ANO4: variants seen among roughly 807,000 people sequenced by gnomAD.
ANO4 encodes the protein anoctamin 4.
A neutral mutation model predicts 141.9 loss-of-function variants in ANO4; 69 were observed. The ratio of observed to expected loss-of-function variants is 0.49; its 90% confidence interval spans 0.40 to 0.59. The LOEUF (loss-of-function observed/expected upper bound fraction) is 0.59, where lower values mean the gene tolerates loss of function less well. ANO4 is among the 20% of genes least tolerant of loss of function. The pLI is 0.00. For synonymous variants in ANO4, 350 were observed against 394.3 expected (o/e 0.89, Z 1.33); for missense variants, 894 against 1,162.2 (o/e 0.77, Z 3.36).
At chr12:100,912,287 AGG>A (rs900904149) in intron 2 of ANO4, among the ~76,000 whole-genome samples, 7 of 149,874 alleles carry the variant, frequency 4.7e-5, no homozygotes, top group African/African-American at 1.7e-4. Flanking sequence ...CCCAGCTACT[AGG>A]GAGGCTGAGG....
At chr12:100,967,942 G>A (rs1445747537) in intron 5 of ANO4, among the ~76,000 whole-genome samples, 1 of 152,270 alleles carries the variant, frequency 6.6e-6, no homozygotes, top group African/African-American at 2.4e-5. Context: ...GCTCTGTCTG[G>A]GGTAAACATT....
At chr12:101,079,973 G>A (rs183758417) in intron 15 of ANO4, among the ~76,000 whole-genome samples, 52 of 152,228 alleles carry the variant, frequency 3.4e-4, no homozygotes, top group African/African-American at 1.2e-3. Flanking sequence ...GTCCCCTCTT[G>A]GACCCTGCTT....
At chr12:100,864,386 T>TA (rs1215354576) in intron 1 of ANO4, among the ~76,000 whole-genome samples, 2 of 152,082 alleles carry the variant, frequency 1.3e-5, no homozygotes, top group Non-Finnish European at 2.9e-5. Flanking sequence ...AGGAGATAGA[T>TA]ATGGGATATT....
intron 2 of ANO4, among the ~76,000 whole-genome samples, chr12:100,919,782 A>G (rs1391487564): frequency 1.6e-5 from 2 of 128,574 alleles, no homozygotes; most frequent in Non-Finnish European, 3.5e-5. Context: ...CTATCTATCT[A>G]ATCTATCTGT....
At chr12:100,947,783 A>G (rs2042785407) in intron 5 of ANO4, among the ~76,000 whole-genome samples, 1 of 152,228 alleles carries the variant, frequency 6.6e-6, no homozygotes, top group South Asian at 2.1e-4. Flanking sequence ...TGCCCCAGAC[A>G]ACATAAGTAG....
intron 26 of ANO4, among the ~76,000 whole-genome samples, chr12:101,124,957 C>CT (rs1259804833): frequency 1.3e-5 from 2 of 152,134 alleles, no homozygotes; most frequent in Non-Finnish European, 2.9e-5. Context: ...TATTTGGACT[C>CT]TTTTTTGGTT....
intron 1 of ANO4, among the ~76,000 whole-genome samples, chr12:100,874,421 G>T (rs557006482): frequency 6.6e-6 from 1 of 152,260 alleles, no homozygotes; most frequent in Non-Finnish European, 1.5e-5. Context: ...CAGGGGCAGA[G>T]CTGCCTAAGG....
chr12:101,038,252 T>C (rs1156613110), intron 10 of ANO4, among the ~76,000 whole-genome samples: 2 of 152,228 alleles, frequency 1.3e-5, no homozygotes, highest in African/African-American at 4.8e-5. Flanking sequence ...AAAGACATAC[T>C]GTTCCCCAAA....
intron 14 of ANO4, among the ~76,000 whole-genome samples, chr12:101,054,767 G>A (rs541453564): frequency 1.3e-5 from 2 of 151,930 alleles, no homozygotes; most frequent in South Asian, 4.2e-4. Context: ...CCCAAAGTGT[G>A]GGAGCCACCG....
intron 1 of ANO4, among the ~76,000 whole-genome samples, chr12:100,887,994 C>T (rs1186070876): frequency 6.6e-6 from 1 of 151,986 alleles, no homozygotes; most frequent in Non-Finnish European, 1.5e-5. Context: ...TAAGTATTTC[C>T]CTGAGTGAGA....
intron 7 of ANO4, among the ~76,000 whole-genome samples, chr12:100,978,884 T>C (rs1031837671): frequency 5.6e-4 from 85 of 152,130 alleles, no homozygotes; most frequent in African/African-American, 1.9e-3. Context: ...ACAGTAGATT[T>C]CTTAGGTGTT....
intron 2 of ANO4, among the ~76,000 whole-genome samples, chr12:100,734,241 T>C (rs1167914092): frequency 1.3e-5 from 2 of 152,232 alleles, no homozygotes; most frequent in Non-Finnish European, 2.9e-5. Context: ...AAATGCATGG[T>C]AAAAGTCTAC....
chr12:100,947,767 G>GT (rs140041099), intron 5 of ANO4, among the ~76,000 whole-genome samples: 1,779 of 152,186 alleles, frequency 0.012, 29 homozygotes, highest in African/African-American at 0.04. Flanking sequence ...GAGACCATTG[G>GT]TAACTTGCCC....
intron 26 of ANO4, 94 bp from the exon 27 acceptor site, chr12:101,126,785 A>ACCCCAGAGGGTC: frequency 8.5e-7 from 1 of 1,181,402 alleles, no homozygotes; most frequent in South Asian, 1.5e-5. Flanking sequence ...CTCTCCACAT[A>ACCCCAGAGGGTC]CCCCAGAGGG....
chr12:100,806,523 CGTTTT>C (rs2035041492), intron 1 of ANO4, among the ~76,000 whole-genome samples: 4 of 44,982 alleles, frequency 8.9e-5, no homozygotes, highest in African/African-American at 1.5e-4. Flanking sequence ...TTTTTTGTTT[CGTTTT>C]TTTTTTTTTT....
intron 4 of ANO4, among the ~76,000 whole-genome samples, chr12:100,940,384 A>G (rs1219697913): frequency 6.6e-6 from 1 of 152,194 alleles, no homozygotes; most frequent in Non-Finnish European, 1.5e-5. Flanking sequence ...GGGCTTTGCC[A>G]AAGGTGGCAC....
chr12:100,896,491 A>C lies in ANO4; in HGVS notation c.-140-5155A>C, dbSNP rs945811116. 7.2e-5 allele frequency among the ~76,000 whole-genome samples: 11 copies of C among 152,324 alleles called. No individual in the cohort carries two copies. In the East Asian group the frequency reaches 1.2e-3, roughly 16 times the overall value. On this transcript the variant is annotated intron_variant, in intron 1 of 27. Transcript: ENST00000392977. ...AGTCTTGATTGGCCTACAGGTGTTC[A>C]GTTTGCACTTCTGTGGAAACAGGGA...
chr12:101,113,910 A>G (rs2050755483), intron 24 of ANO4, among the ~76,000 whole-genome samples: 1 of 152,208 alleles, frequency 6.6e-6, no homozygotes, highest in Non-Finnish European at 1.5e-5. Context: ...TGTAGAAGAC[A>G]TTTTCTAGAT....
intron 3 of ANO4, among the ~76,000 whole-genome samples, chr12:100,758,291 G>A (rs557645323): frequency 6.6e-6 from 1 of 152,322 alleles, no homozygotes; most frequent in East Asian, 1.9e-4. Context: ...TGGCCTTGGT[G>A]TGTAATGCTT....
Sources: gnomAD v4.1 joint callset for allele counts (sites outside exome capture counted in the v4.1 genomes callset) on GRCh38, gnomAD v4.1.1 for gene constraint, MANE v1.5 for transcripts, NCBI Gene and HGNC (gene_info 2026-07-23, HGNC 2026-07-21) for gene names.